FRYL: variants seen among roughly 807,000 people sequenced by gnomAD.
FRYL encodes the protein protein furry homolog-like.
Under a neutral mutation model 351.2 loss-of-function variants are expected in FRYL, and 150 were observed. That is an observed-to-expected ratio of 0.43 (90% CI 0.37 to 0.49). The LOEUF (loss-of-function observed/expected upper bound fraction) is 0.49, where lower values mean the gene tolerates loss of function less well. FRYL is among the 20% of genes least tolerant of loss of function. The probability of loss-of-function intolerance (pLI) is 0.00; values close to 1 mark genes in which losing one functional copy is unlikely to be tolerated. For missense variants in FRYL, 3,036 were observed against 3,619.3 expected (o/e 0.84, Z 4.13); for synonymous variants, 1,153 against 1,257.1 (o/e 0.92, Z 1.75).
chr4:48,669,108 T>C (rs1290092058), intron 3 of FRYL, among the ~76,000 whole-genome samples: 1 of 152,238 alleles, frequency 6.6e-6, no homozygotes, highest in African/African-American at 2.4e-5. Context: ...TAGTATGTTT[T>C]ACTTGCTATT....
At chr4:48,548,583 TA>T in intron 40 of FRYL, 106 bp downstream of exon 40, 1 of 673,348 alleles carries the variant, frequency 1.5e-6, no homozygotes, top group Non-Finnish European at 2.6e-6. Flanking sequence ...GGAAATAACA[TA>T]AAAATAACAG....
intron 4 of FRYL, among the ~76,000 whole-genome samples, chr4:48,633,225 T>A (rs1274129352): frequency 5.3e-5 from 8 of 152,168 alleles, no homozygotes; most frequent in African/African-American, 9.7e-5. Flanking sequence ...TTCCTGTAAT[T>A]ATATCAAGAA....
At chr4:48,708,022 G>A (rs1353455201) in intron 2 of FRYL, among the ~76,000 whole-genome samples, 1 of 151,740 alleles carries the variant, frequency 6.6e-6, no homozygotes, top group Non-Finnish European at 1.5e-5. Flanking sequence ...GGGTTTCACT[G>A]TGTTAGCCAG....
intron 1 of FRYL, among the ~76,000 whole-genome samples, chr4:48,739,421 A>ACAAAAAAAAAAAAAAAAAAAAAAAAAAT (rs1771805164): frequency 8.5e-6 from 1 of 117,116 alleles, no homozygotes; most frequent in Non-Finnish European, 1.8e-5. Flanking sequence ...AAAAAAAAAA[A>ACAAAAAAAAAAAAAAAAAAAAAAAAAAT]CAACTAATCT....
chr4:48,514,725 C>T (rs1346253113), intron 56 of FRYL, among the ~76,000 whole-genome samples: 3 of 152,224 alleles, frequency 2.0e-5, no homozygotes, highest in Non-Finnish European at 4.4e-5. Context: ...CATTTGGCAT[C>T]TGCCAAAATA....
intron 5 of FRYL, among the ~76,000 whole-genome samples, chr4:48,621,366 C>T (rs1164005743): frequency 2.0e-5 from 3 of 152,140 alleles, no homozygotes; most frequent in East Asian, 3.8e-4. Flanking sequence ...GATAAGTGTA[C>T]TGTGATGAAC....
rs372997018 is a variant in FRYL at position 48,564,604 on chromosome 4, A to G, written c.3441+329T>C. 5.5e-4 allele frequency among the ~76,000 whole-genome samples: 84 copies of G among 152,338 alleles called. 1 individual carries two copies. The East Asian group carries it at 0.01, about 18-fold the overall frequency. ...AGTGGTTAAAAAAACGAAATGAAAC[A>G]TAGCAAATAACATATTTTTCCCATG... On this transcript the variant is annotated intron_variant, in intron 30 of 63. Coordinates refer to ENST00000358350, the MANE Select transcript of FRYL (RefSeq NM_015030.2).
chr4:48,656,728 C>CATA (rs1759292927), intron 3 of FRYL, among the ~76,000 whole-genome samples: 4 of 144,946 alleles, frequency 2.8e-5, no homozygotes, highest in Non-Finnish European at 6.0e-5. Context: ...ATATGACTGA[C>CATA]TATATATATA....
intron 1 of FRYL, among the ~76,000 whole-genome samples, chr4:48,713,583 G>T (rs1249469280): frequency 3.9e-5 from 6 of 152,028 alleles, no homozygotes; most frequent in Admixed American, 2.0e-4. Flanking sequence ...ATCCTAAATA[G>T]ATATGCACCC....
chr4:48,579,188 C>G lies in FRYL; in HGVS notation c.2313G>C (p.Trp771Cys). Residue 771 changes from tryptophan (W) to cysteine (C), a missense_variant, in exon 23 of 64, where the codon TGG becomes TGC. By Grantham distance (215) the Trp-to-Cys change is radical. Coordinates refer to ENST00000358350, the MANE Select transcript of FRYL (RefSeq NM_015030.2). ...SSIDLQTLAE[W>C]NSSPISHQFD... is the part of the protein sequence containing the mutation. ...ACTGGTGGCTAATAGGAGAAGAGTT[C>G]CATTCTGCTAAAGTTTGTAAATCTA... The G allele has an allele frequency of 6.2e-7, 1 of 1,613,638 alleles. No individual in the cohort carries two copies. Among genetic ancestry groups the G allele is most frequent in the Non-Finnish European group, 8.5e-7 (1 of 1,179,736 alleles).
chr4:48,518,541 T>A (rs532178983), intron 55 of FRYL, among the ~76,000 whole-genome samples: 30 of 152,168 alleles, frequency 2.0e-4, no homozygotes, highest in Non-Finnish European at 4.0e-4. Context: ...AATAATCAGA[T>A]CATGTTCTTC....
At chr4:48,581,751 A>C (rs1740944686) in intron 20 of FRYL, 146 bp from the exon 21 acceptor site, 1 of 638,130 alleles carries the variant, frequency 1.6e-6, no homozygotes, top group Admixed American at 3.2e-5. Flanking sequence ...TGTATTTTAT[A>C]AAAATGGAAT....
chr4:48,693,316 G>A (rs979155819), intron 2 of FRYL, among the ~76,000 whole-genome samples: 55 of 152,042 alleles, frequency 3.6e-4, no homozygotes, highest in African/African-American at 1.3e-3. Flanking sequence ...ATCTAAAAAC[G>A]GAAGTCCTTG....
In FRYL at chr4:48,505,301, A is replaced by G. The variant is rs1577828728; in HGVS notation, c.8463+246T>C. On this transcript the variant is annotated intron_variant, in intron 60 of 63. Transcript: ENST00000358350. ...ACCTGGACTGTCCAGATATCCATCA[A>G]GCTTATCTATTGGATGTTATTAAGC... The G allele has an allele frequency of 2.3e-5, 12 of 532,072 alleles. No homozygotes were observed. In the East Asian group the frequency reaches 4.2e-4, roughly 19 times the overall value. 33.0% of individuals were successfully genotyped at this position (532,072 alleles called of 1,614,324 possible).
chr4:48,729,824 C>T (rs200246590), intron 1 of FRYL, among the ~76,000 whole-genome samples: 2 of 152,124 alleles, frequency 1.3e-5, no homozygotes, highest in East Asian at 1.9e-4. Context: ...AAAACCAGAA[C>T]GCCTCTTCTC....
chr4:48,725,070 T>C (rs1227803811), intron 1 of FRYL, among the ~76,000 whole-genome samples: 3 of 152,192 alleles, frequency 2.0e-5, no homozygotes, highest in Admixed American at 1.3e-4. Context: ...TAAATCAATA[T>C]AAAAGAGAAA....
At chr4:48,621,565 CA>C (rs1390954014) in intron 5 of FRYL, among the ~76,000 whole-genome samples, 2 of 152,124 alleles carry the variant, frequency 1.3e-5, no homozygotes, top group African/African-American at 4.8e-5. Context: ...TGATTCAACC[CA>C]TTTCTCATAA....
At chr4:48,765,116 T>C (rs1774815842) in intron 1 of FRYL, among the ~76,000 whole-genome samples, 1 of 152,178 alleles carries the variant, frequency 6.6e-6, no homozygotes, top group African/African-American at 2.4e-5. Flanking sequence ...GTGCCGGGAT[T>C]ACAGGTGTGA....
Position 48,581,401 on chromosome 4 carries a change from T to C in FRYL, c.2172+19A>G. The C allele has an allele frequency of 6.3e-7, 1 of 1,589,582 alleles. No homozygotes were observed. ...TAAGTACTTTCAATAGATAACTGAA[T>C]GAAATACCTAAATCTTACCTTAGGT... On this transcript the variant is annotated intron_variant, in intron 21 of 63. Transcript: ENST00000358350.
Sources: gnomAD v4.1 joint callset for allele counts (sites outside exome capture counted in the v4.1 genomes callset) on GRCh38, gnomAD v4.1.1 for gene constraint, MANE v1.5 for transcripts, NCBI Gene and HGNC (gene_info 2026-07-23, HGNC 2026-07-21) for gene names.